SHANK2: variants seen among roughly 807,000 people sequenced by gnomAD.
SHANK2 encodes SH3 and multiple ankyrin repeat domains protein 2.
A neutral mutation model predicts 133.7 loss-of-function variants in SHANK2; 43 were observed. That is an observed-to-expected ratio of 0.32 (90% CI 0.25 to 0.41). The LOEUF (loss-of-function observed/expected upper bound fraction) is 0.41, where lower values mean the gene tolerates loss of function less well. SHANK2 is among the 10% of genes least tolerant of loss of function. SHANK2 has a pLI of 1.00. For synonymous variants in SHANK2, 1,017 were observed against 952.8 expected, an observed-to-expected ratio of 1.07 and a Z score of -1.24; for missense variants, 1,994 against 2,235.8, an observed-to-expected ratio of 0.89 and a Z score of 2.18.
chr11:71,076,063 G>C (rs1951214321), intron 8 of SHANK2, among the ~76,000 whole-genome samples: 2 of 152,176 alleles, frequency 1.3e-5, no homozygotes, highest in African/African-American at 2.4e-5. Flanking sequence ...CTCACACGAG[G>C]CTGGGCACTG....
chr11:71,251,702 C>T (rs1948183932), intron 1 of SHANK2, among the ~76,000 whole-genome samples: 1 of 151,124 alleles, frequency 6.6e-6, no homozygotes, highest in Non-Finnish European at 1.5e-5. Context: ...CTGGTGAGCA[C>T]GGCGGGCCGG....
chr11:71,113,023 G>A (rs542517874), intron 5 of SHANK2, among the ~76,000 whole-genome samples: 1 of 152,256 alleles, frequency 6.6e-6, no homozygotes, highest in African/African-American at 2.4e-5. Context: ...CAGAGATGCC[G>A]CTTTTGACCC....
intron 14 of SHANK2, among the ~76,000 whole-genome samples, chr11:70,721,083 C>T (rs564404946): frequency 1.1e-4 from 16 of 152,348 alleles, no homozygotes; most frequent in African/African-American, 2.4e-4. Context: ...ACCGGCAGTC[C>T]GGGCACCTTC....
rs916982579 is a variant in SHANK2, at chr11:71,057,547, T to C, written c.1030-989A>G. Reference sequence around the variant, plus strand: ...AGGGAGAGAACAGAAGGAATCTTTTTACACTTTATTTTTATTTTTTGAGAC... The same window carrying C: ...AGGGAGAGAACAGAAGGAATCTTTTCACACTTTATTTTTATTTTTTGAGAC... On this transcript the variant is annotated intron_variant, in intron 9 of 25. Coordinates refer to ENST00000601538, the MANE Select transcript of SHANK2 (RefSeq NM_012309.5). Among the ~76,000 whole-genome samples the C allele has an allele frequency of 3.3e-3, 500 of 152,308 alleles. 1 individual carries two copies. The highest frequency in any genetic ancestry group is 5.3e-3 in the Non-Finnish European group (362 of 68,026).
At chr11:70,835,204 G>A (rs1305272134) in intron 11 of SHANK2, among the ~76,000 whole-genome samples, 5 of 152,220 alleles carry the variant, frequency 3.3e-5, no homozygotes, top group African/African-American at 1.2e-4. Flanking sequence ...ACACCTGAAG[G>A]AGGAGGGGTG....
intron 14 of SHANK2, among the ~76,000 whole-genome samples, chr11:70,772,871 C>T (rs895586800): frequency 7.2e-5 from 11 of 152,212 alleles, no homozygotes; most frequent in African/African-American, 2.2e-4. Flanking sequence ...TTGCTTGGGT[C>T]ACTTCTCTGC....
intron 2 of SHANK2, among the ~76,000 whole-genome samples, chr11:71,167,899 C>A (rs534360678): frequency 6.8e-6 from 1 of 147,502 alleles, no homozygotes; most frequent in Non-Finnish European, 1.5e-5. Context: ...ACCTCCCGGA[C>A]AGGGCGGCTG....
chr11:70,499,098 C>T (rs1486382305), intron 21 of SHANK2, among the ~76,000 whole-genome samples: 3 of 152,226 alleles, frequency 2.0e-5, no homozygotes, highest in South Asian at 2.1e-4. Context: ...GGAGGCAGCA[C>T]GAGGGGCCTG....
rs751549353 is a variant in SHANK2, at chr11:70,500,437, C to T, written c.2308+133G>A. ...TGTGCTCCAGGGCGGCAGGGCTCCT[C>T]GGGCAGGACCCAGCAGGAGAAGCCA... On this transcript the variant is annotated intron_variant, in intron 21 of 25. Coordinates refer to ENST00000601538, the MANE Select transcript of SHANK2 (RefSeq NM_012309.5). This position sits in a 1 kb window ranked among gnomAD's most constrained non-coding sequence, Gnocchi z 4.5. 95 of 1,267,992 alleles carry T rather than the reference C, an allele frequency of 7.5e-5. No homozygotes were observed. The highest frequency in any genetic ancestry group is 1.9e-4 in the Middle Eastern group (1 of 5,386). The allele number at this position is 1,267,992 out of a possible 1,614,324, so 78.5% of individuals were successfully genotyped here. A position where few individuals can be genotyped will look rare whatever the true frequency, so the allele number is the denominator to read the frequency against.
intron 15 of SHANK2, chr11:70,661,898 G>T: frequency 7.7e-7 from 1 of 1,299,268 alleles, no homozygotes; most frequent in Non-Finnish European, 1.1e-6. Context: ...GAGACTTGCA[G>T]GGTGGGGGCA....
In SHANK2 at chr11:71,180,641, G is replaced by A. The variant is rs189498183; in HGVS notation, c.-12-33303C>T. 3.6e-4 allele frequency among the ~76,000 whole-genome samples: 54 copies of A among 152,002 alleles called. 1 individual carries two copies. In the East Asian group the frequency reaches 9.1e-3, roughly 26 times the overall value. On this transcript the variant is annotated intron_variant, in intron 2 of 25. Coordinates refer to ENST00000601538, the MANE Select transcript of SHANK2 (RefSeq NM_012309.5). ...CATCTACAGATGGCATTTTTTTGGCGGGGGCGGCGGGAATGGCATGTTTGA... is the reference window on the plus strand; with the variant it reads ...CATCTACAGATGGCATTTTTTTGGCAGGGGCGGCGGGAATGGCATGTTTGA...
chr11:71,087,507 C>A (rs1951434939), intron 8 of SHANK2, among the ~76,000 whole-genome samples: 1 of 152,160 alleles, frequency 6.6e-6, no homozygotes. Context: ...AACAGGAAAA[C>A]AGCAATGCAA....
rs936711414 is a variant in SHANK2, at chr11:71,090,014, G to A, written c.912+2408C>T. On this transcript the variant is annotated intron_variant, in intron 8 of 25. Transcript: ENST00000601538. ...CAGCTCCCCCAACCCAAAAACCTCC[G>A]AGTGCTGTGCAAGAATTCACCTGCT... Among the ~76,000 whole-genome samples the A allele has an allele frequency of 7.7e-4, 118 of 152,348 alleles. 1 individual carries two copies. In the South Asian group the frequency reaches 9.7e-3, roughly 13 times the overall value.
chr11:70,617,417 C>A (rs1440704856), intron 17 of SHANK2, among the ~76,000 whole-genome samples: 2 of 152,130 alleles, frequency 1.3e-5, no homozygotes, highest in Non-Finnish European at 2.9e-5. Context: ...GGCCCCCAGG[C>A]CAGAGTTCAC....
chr11:70,845,198 C>CA (rs782471301), intron 11 of SHANK2, among the ~76,000 whole-genome samples: 12,074 of 51,292 alleles, frequency 0.24, 1,317 homozygotes, highest in East Asian at 0.34. Flanking sequence ...GACTCTGTCT[C>CA]AAAAAAAAAA....
At chr11:70,496,596 C>T (rs992401517) in intron 21 of SHANK2, among the ~76,000 whole-genome samples, 2 of 152,218 alleles carry the variant, frequency 1.3e-5, no homozygotes, top group Admixed American at 6.5e-5. Context: ...GTTTCTCATC[C>T]TAATGAGAAG....
intron 10 of SHANK2, among the ~76,000 whole-genome samples, chr11:70,899,943 G>A (rs1342780042): frequency 5.3e-5 from 8 of 152,234 alleles, no homozygotes; most frequent in African/African-American, 1.9e-4. Context: ...TGGGCATTAC[G>A]TGTAACCCAC....
intron 17 of SHANK2, among the ~76,000 whole-genome samples, chr11:70,544,340 C>T (rs2059661579): frequency 6.6e-6 from 1 of 152,202 alleles, no homozygotes; most frequent in African/African-American, 2.4e-5. Context: ...AATGAGCCCC[C>T]AAAGGTGGAG....
intron 2 of SHANK2, among the ~76,000 whole-genome samples, chr11:71,190,697 G>C (rs1346804964): frequency 6.6e-6 from 1 of 152,178 alleles, no homozygotes; most frequent in Non-Finnish European, 1.5e-5. Flanking sequence ...CAGGACATGG[G>C]AACAAGGGCT....
Sources: gnomAD v4.1 joint callset for allele counts (sites outside exome capture counted in the v4.1 genomes callset) on GRCh38, gnomAD v4.1.1 for gene constraint, Gnocchi (gnomAD v3.1) non-coding constraint, MANE v1.5 for transcripts, NCBI Gene and HGNC (gene_info 2026-07-23, HGNC 2026-07-21) for gene names.